Variants in ZMYM4 observed in about 807,000 individuals in gnomAD.
ZMYM4 encodes zinc finger MYM-type protein 4.
Under a neutral mutation model 183.2 loss-of-function variants are expected in ZMYM4, and 31 were observed. The ratio of observed to expected loss-of-function variants is 0.17; its 90% CI spans 0.13 to 0.23. ZMYM4 has a LOEUF of 0.23. ZMYM4 is among the 10% of genes least tolerant of loss of function. The probability of loss-of-function intolerance (pLI) is 1.00; values close to 1 mark genes in which losing one functional copy is unlikely to be tolerated. For synonymous variants in ZMYM4, 592 were observed against 631.2 expected (o/e 0.94, Z 0.93); for missense variants, 1,273 against 1,840.3 (o/e 0.69, Z 5.64).
rs1644048437 is a variant in ZMYM4, at chr1:35,365,336, C to T, written c.840+3547C>T. Among the ~76,000 whole-genome samples, 2 of 136,038 alleles carry T rather than the reference C, an allele frequency of 1.5e-5. 1 individual carries two copies. The highest frequency in any genetic ancestry group is 5.4e-5 in the African/African-American group (2 of 36,746). 89.2% of individuals were successfully genotyped at this position (136,038 alleles called of 152,430 possible). A position where few individuals can be genotyped will look rare whatever the true frequency, so the allele number is the denominator to read the frequency against. ...CCAAGGGAAGGTTTCAAAATAGATA[C>T]TTTAAAGAGAGCCAGAGACCTCATT... On this transcript the variant is annotated intron_variant, in intron 5 of 29. Transcript: ENST00000314607.
chr1:35,359,686 GTT>G (rs1203601178), intron 3 of ZMYM4, among the ~76,000 whole-genome samples: 1 of 151,964 alleles, frequency 6.6e-6, no homozygotes, highest in Non-Finnish European at 1.5e-5. Context: ...TGGTTGCAAT[GTT>G]TTGATGAGAA....
At chr1:35,283,502 CA>C (rs1204270716) in intron 1 of ZMYM4, among the ~76,000 whole-genome samples, 2 of 151,024 alleles carry the variant, frequency 1.3e-5, no homozygotes, top group African/African-American at 2.4e-5. Flanking sequence ...CACACCCGGC[CA>C]ATTTTTTTGT....
In ZMYM4 at chr1:35,393,752, G is replaced by A. The variant is rs1023622949; in HGVS notation, c.2911+13G>A. On this transcript the variant is annotated intron_variant, in intron 18 of 29. Transcript: ENST00000314607. Reference sequence around the variant, plus strand: ...GAATGCCAGACAGGTATGTTCCTTGGTCTTTCTTTCTTTATTAATTTTTTA... The same window carrying A: ...GAATGCCAGACAGGTATGTTCCTTGATCTTTCTTTCTTTATTAATTTTTTA... 8 of 1,568,884 alleles carry A rather than the reference G, an allele frequency of 5.1e-6. No homozygotes were observed. The highest frequency in any genetic ancestry group is 6.9e-6 in the Non-Finnish European group (8 of 1,161,132).
chr1:35,344,099 G>T (rs1355800702), intron 2 of ZMYM4, among the ~76,000 whole-genome samples: 1 of 151,064 alleles, frequency 6.6e-6, no homozygotes, highest in East Asian at 2.0e-4. Flanking sequence ...TGTTGCCCAG[G>T]CTGGAGTGCA....
intron 2 of ZMYM4, among the ~76,000 whole-genome samples, chr1:35,330,955 G>A (rs535197933): frequency 6.6e-6 from 1 of 152,292 alleles, no homozygotes; most frequent in South Asian, 2.1e-4. Context: ...AACCATGACT[G>A]AAGTTTTTGT....
chr1:35,322,634 T>G (rs1642331468), intron 1 of ZMYM4, among the ~76,000 whole-genome samples: 1 of 152,316 alleles, frequency 6.6e-6, no homozygotes, highest in South Asian at 2.1e-4. Context: ...GAAGCCTTAC[T>G]GAAGTGGGTT....
intron 25 of ZMYM4, among the ~76,000 whole-genome samples, chr1:35,407,355 C>T (rs1043231687): frequency 1.3e-5 from 2 of 151,724 alleles, no homozygotes; most frequent in Non-Finnish European, 2.9e-5. Context: ...TCACTTGAAC[C>T]CGGCGGAGGT....
At chr1:35,413,702 T>C (rs1046252926) in intron 26 of ZMYM4, among the ~76,000 whole-genome samples, 2 of 152,234 alleles carry the variant, frequency 1.3e-5, no homozygotes, top group African/African-American at 4.8e-5. Context: ...TTCTTCATAA[T>C]ACTTCTTCTG....
chr1:35,418,465 G>A lies in ZMYM4; in HGVS notation c.4332G>A (p.Arg1444=). ...AAGATAAACTGACTGTTGGCAAGAG[G>A]AAACGAAATGAAGATGATGAGGTTC... ...SEPDKLTVGK[R]KRNEDDEVPV... Residue 1444 remains arginine, a synonymous_variant, in exon 29 of 30, where the codon AGG becomes AGA. Transcript: ENST00000314607. The A allele has an allele frequency of 1.2e-6, 2 of 1,614,022 alleles. No homozygotes were observed. Among genetic ancestry groups the A allele is most frequent in the Non-Finnish European group, 1.7e-6 (2 of 1,179,978 alleles).
At chr1:35,345,449 C>T (rs1332656578) in intron 2 of ZMYM4, among the ~76,000 whole-genome samples, 1 of 151,668 alleles carries the variant, frequency 6.6e-6, no homozygotes, top group African/African-American at 2.4e-5. Flanking sequence ...CACCACTCCC[C>T]GTATTACTTT....
chr1:35,300,009 A>G lies in ZMYM4; in HGVS notation c.40-25351A>G, dbSNP rs192385573. Among the ~76,000 whole-genome samples the G allele has an allele frequency of 4.5e-3, 684 of 152,030 alleles. 5 individuals carry two copies. Among genetic ancestry groups the G allele is most frequent in the African/African-American group, 0.016 (650 of 41,442 alleles). On this transcript the variant is annotated intron_variant, in intron 1 of 29. Coordinates refer to ENST00000314607, the MANE Select transcript of ZMYM4 (RefSeq NM_005095.3). ...ACGGGTTTTCACAGTGTTCGCCAGG[A>G]TGGTCTCGATCTCCTGACCTCGTGA...
At chr1:35,289,028 A>G (rs1570261963) in intron 1 of ZMYM4, among the ~76,000 whole-genome samples, 1 of 152,352 alleles carries the variant, frequency 6.6e-6, no homozygotes, top group African/African-American at 2.4e-5. Flanking sequence ...AAGAATAATA[A>G]GGAAGTTAAG....
At chr1:35,278,465 G>A (rs1263845466) in intron 1 of ZMYM4, among the ~76,000 whole-genome samples, 4 of 135,670 alleles carry the variant, frequency 2.9e-5, no homozygotes, top group South Asian at 2.3e-4. Flanking sequence ...TCACTCTCTC[G>A]CCCAGGCTGG....
chr1:35,410,011 C>T (rs1639815925), intron 26 of ZMYM4, among the ~76,000 whole-genome samples: 1 of 151,796 alleles, frequency 6.6e-6, no homozygotes, highest in South Asian at 2.1e-4. Context: ...ATGGCTCCAG[C>T]ATCTGCTTCT....
chr1:35,294,005 C>G (rs1303978971), intron 1 of ZMYM4, among the ~76,000 whole-genome samples: 4 of 151,962 alleles, frequency 2.6e-5, no homozygotes, highest in Non-Finnish European at 5.9e-5. Context: ...CGTGGTGGCA[C>G]GCGCCTGCAG....
At chr1:35,386,379 G>A (rs115710187) in intron 11 of ZMYM4, among the ~76,000 whole-genome samples, 190 bp downstream of exon 11, 2,362 of 152,020 alleles carry the variant, frequency 0.016, 47 homozygotes, top group African/African-American at 0.054. Flanking sequence ...CAATTATGGC[G>A]GAAGGCGAAG....
rs370227308 is a variant in ZMYM4, at chr1:35,405,354, A to T, written c.3701-19A>T. 21 of 1,589,076 alleles carry T rather than the reference A, an allele frequency of 1.3e-5. No individual in the cohort carries two copies. The Admixed American group carries it at 2.3e-4, about 17-fold the overall frequency. ...TTTATTTTATTTAAACTTTTCTTTT[A>T]TGTTTCTCTCCTTGTCAGGGGTTGA... On this transcript the variant is annotated intron_variant, in intron 24 of 29. Transcript: ENST00000314607.
intron 1 of ZMYM4, 49 bp from the exon 2 acceptor site, chr1:35,325,311 G>T: frequency 6.5e-7 from 1 of 1,546,088 alleles, no homozygotes; most frequent in South Asian, 1.2e-5. Context: ...AAGAATGTAT[G>T]ATAGAAGATA....
intron 23 of ZMYM4, among the ~76,000 whole-genome samples, chr1:35,401,844 C>A (rs752463932): frequency 6.6e-6 from 1 of 152,158 alleles, no homozygotes; most frequent in Non-Finnish European, 1.5e-5. Context: ...TGTTCCAGCA[C>A]TGCCCTTGAA....
Sources: allele counts gnomAD v4.1 joint callset (sites outside exome capture counted in the v4.1 genomes callset), GRCh38; gene constraint gnomAD v4.1.1; transcripts MANE v1.5; gene names NCBI Gene and HGNC (gene_info 2026-07-23, HGNC 2026-07-21).